Variants in PIP4K2A observed in about 807,000 individuals in gnomAD.
PIP4K2A encodes the protein phosphatidylinositol 5-phosphate 4-kinase type-2 alpha.
A neutral mutation model predicts 42.9 loss-of-function variants in PIP4K2A; 14 were observed. The observed-to-expected ratio is 0.33, with a 90% CI of 0.22 to 0.51. PIP4K2A has a LOEUF of 0.51. Among genes scored for constraint, PIP4K2A ranks in the 20% least tolerant of loss-of-function variants. PIP4K2A has a pLI of 0.97. For missense variants in PIP4K2A, 434 were observed against 519.8 expected (o/e 0.83, Z 1.61); for synonymous variants, 192 against 192.2 (o/e 1.00, Z 0.01).
intron 1 of PIP4K2A, among the ~76,000 whole-genome samples, chr10:22,653,109 G>A (rs779651016): frequency 2.6e-5 from 4 of 152,096 alleles, no homozygotes; most frequent in Non-Finnish European, 2.9e-5. Flanking sequence ...AAGGGTTTAT[G>A]AGAAAGGACC....
chr10:22,598,025 G>A (rs574994070), intron 3 of PIP4K2A, among the ~76,000 whole-genome samples: 12 of 152,284 alleles, frequency 7.9e-5, no homozygotes, highest in Admixed American at 2.6e-4. Context: ...GACACACTTG[G>A]AGAGTTATAT....
intron 1 of PIP4K2A, among the ~76,000 whole-genome samples, chr10:22,658,703 G>A (rs142838332): frequency 4.6e-4 from 70 of 152,326 alleles, no homozygotes; most frequent in African/African-American, 1.5e-3. Flanking sequence ...GAATGAGAAT[G>A]TGAACATCTC....
chr10:22,646,888 T>G (rs1174649303), intron 1 of PIP4K2A, among the ~76,000 whole-genome samples: 1 of 152,074 alleles, frequency 6.6e-6, no homozygotes, highest in Non-Finnish European at 1.5e-5. Context: ...TAAGTAGAAC[T>G]CTAATGCTTC....
intron 1 of PIP4K2A, among the ~76,000 whole-genome samples, chr10:22,638,222 T>C (rs1295962040): frequency 1.3e-5 from 2 of 152,200 alleles, no homozygotes; most frequent in African/African-American, 4.8e-5. Flanking sequence ...TGAAAATAAA[T>C]ATAGAAAGCA....
chr10:22,638,409 A>G (rs998297097), intron 1 of PIP4K2A, among the ~76,000 whole-genome samples: 3 of 152,190 alleles, frequency 2.0e-5, no homozygotes, highest in Non-Finnish European at 2.9e-5. Context: ...GCCTCTCTCA[A>G]TAACTGTTCT....
intron 1 of PIP4K2A, among the ~76,000 whole-genome samples, chr10:22,618,147 C>T (rs1473825374): frequency 2.6e-5 from 4 of 152,294 alleles, no homozygotes; most frequent in South Asian, 2.1e-4. Context: ...GCTAGGTTCA[C>T]GACCTAAAAT....
chr10:22,557,897 G>A (rs562776469), intron 6 of PIP4K2A, among the ~76,000 whole-genome samples: 13 of 152,148 alleles, frequency 8.5e-5, no homozygotes, highest in Admixed American at 2.0e-4. Context: ...ACTTTACTGG[G>A]AAGAAGAAAT....
At chr10:22,610,552 A>C (rs376553169) in intron 1 of PIP4K2A, among the ~76,000 whole-genome samples, 6 of 152,374 alleles carry the variant, frequency 3.9e-5, no homozygotes, top group African/African-American at 1.2e-4. Flanking sequence ...ACAAGCAAAC[A>C]ACAAAAGAAT....
intron 4 of PIP4K2A, among the ~76,000 whole-genome samples, chr10:22,581,023 C>G (rs1837264683): frequency 6.6e-6 from 1 of 152,198 alleles, no homozygotes; most frequent in Non-Finnish European, 1.5e-5. Flanking sequence ...CAATGCTGGC[C>G]GTCCCGTGTG....
chr10:22,643,746 C>T lies in PIP4K2A; in HGVS notation c.145-34029G>A, dbSNP rs988332270. 5.3e-5 allele frequency among the ~76,000 whole-genome samples: 8 copies of T among 152,068 alleles called. No homozygotes were observed. The South Asian group carries it at 6.2e-4, about 12-fold the overall frequency. ...CCCCCTCAAGTATTTTTTTCTTCTG[C>T]GCAGGAACCACAGAACCAGAAGATG... is the stretch of plus-strand genomic sequence containing the variant. On this transcript the variant is annotated intron_variant, in intron 1 of 9. Coordinates refer to ENST00000376573, the MANE Select transcript of PIP4K2A (RefSeq NM_005028.5).
chr10:22,598,013 T>C (rs986559702), intron 3 of PIP4K2A, among the ~76,000 whole-genome samples: 2 of 152,206 alleles, frequency 1.3e-5, no homozygotes, highest in African/African-American at 2.4e-5. Flanking sequence ...TTCCTTGTCA[T>C]GGACACACTT....
intron 4 of PIP4K2A, among the ~76,000 whole-genome samples, chr10:22,585,848 G>A (rs951885086): frequency 3.3e-5 from 5 of 151,942 alleles, no homozygotes; most frequent in Non-Finnish European, 7.4e-5. Context: ...CGTCCACCTC[G>A]GCCTCCCAAA....
intron 1 of PIP4K2A, among the ~76,000 whole-genome samples, chr10:22,701,782 C>T (rs1420314072): frequency 6.6e-6 from 1 of 152,172 alleles, no homozygotes; most frequent in Non-Finnish European, 1.5e-5. Flanking sequence ...GAGAAGTCGG[C>T]CTGTCAAGAT....
At chr10:22,638,281 A>G (rs367608803) in intron 1 of PIP4K2A, among the ~76,000 whole-genome samples, 33 of 152,308 alleles carry the variant, frequency 2.2e-4, no homozygotes, top group African/African-American at 7.7e-4. Flanking sequence ...TATCATAGTA[A>G]ATTAACTCCA....
At chr10:22,549,822 C>A in intron 7 of PIP4K2A, among the ~76,000 whole-genome samples, 1 of 99,928 alleles carries the variant, frequency 1.0e-5, no homozygotes, top group Non-Finnish European at 1.9e-5. Flanking sequence ...GCCTAGAAGA[C>A]AGTGAGAATC....
At chr10:22,711,913 GA>G (rs968607454) in intron 1 of PIP4K2A, among the ~76,000 whole-genome samples, 1 of 151,202 alleles carries the variant, frequency 6.6e-6, no homozygotes, top group African/African-American at 2.4e-5. Context: ...TAGACATTTT[GA>G]AAAAAAAGGC....
chr10:22,538,303 A>G (rs1476169398), intron 9 of PIP4K2A, among the ~76,000 whole-genome samples: 1 of 152,196 alleles, frequency 6.6e-6, no homozygotes, highest in Non-Finnish European at 1.5e-5. Flanking sequence ...CACACTATGG[A>G]GGCGAACTTG....
At chr10:22,679,003 C>A (rs1839612731) in intron 1 of PIP4K2A, among the ~76,000 whole-genome samples, 1 of 152,146 alleles carries the variant, frequency 6.6e-6, no homozygotes, top group South Asian at 2.1e-4. Context: ...TTAAAAAATT[C>A]TCTAAAATCT....
At chr10:22,615,818 T>C (rs908470071) in intron 1 of PIP4K2A, among the ~76,000 whole-genome samples, 1 of 152,214 alleles carries the variant, frequency 6.6e-6, no homozygotes, top group Non-Finnish European at 1.5e-5. Flanking sequence ...ACAGTATAGT[T>C]CTCTCTGTAC....
Sources: gnomAD v4.1 joint callset for allele counts (sites outside exome capture counted in the v4.1 genomes callset) on GRCh38, gnomAD v4.1.1 for gene constraint, MANE v1.5 for transcripts, NCBI Gene and HGNC (gene_info 2026-07-23, HGNC 2026-07-21) for gene names.